The following PRSS38 variants were observed in gnomAD, a reference collection of about 807,000 sequenced individuals.
The protein encoded by PRSS38 is marapsin 2.
In PRSS38, 22 loss-of-function variants were observed where a neutral mutation model predicts 26.8. That is an observed-to-expected ratio of 0.82 (90% confidence interval 0.59 to 1.17). The LOEUF (loss-of-function observed/expected upper bound fraction) is 1.17. Among genes scored for constraint, PRSS38 ranks in the 50% most tolerant of loss-of-function variants. The probability of loss-of-function intolerance (pLI) is 0.00; values close to 1 mark genes in which losing one functional copy is unlikely to be tolerated. For missense variants in PRSS38, 427 were observed against 422.7 expected, an observed-to-expected ratio of 1.01 and a Z score of -0.09; for synonymous variants, 175 against 172.1, an observed-to-expected ratio of 1.02 and a Z score of -0.13.
intron 3 of PRSS38, among the ~76,000 whole-genome samples, chr1:227,835,454 C>T (rs1036364430): frequency 6.6e-6 from 1 of 152,154 alleles, no homozygotes; most frequent in African/African-American, 2.4e-5. Context: ...CCACACATAA[C>T]AACTCCACTC....
intron 3 of PRSS38, among the ~76,000 whole-genome samples, chr1:227,839,778 G>C (rs1436911312): frequency 1.3e-5 from 2 of 152,080 alleles, no homozygotes; most frequent in African/African-American, 2.4e-5. Context: ...TTAGACTGTT[G>C]AGGGACAGCA....
intron 3 of PRSS38, among the ~76,000 whole-genome samples, chr1:227,842,209 GAATAGTGCCTGCAGGTCT>G: frequency 6.6e-6 from 1 of 152,280 alleles, no homozygotes; most frequent in Non-Finnish European, 1.5e-5. Flanking sequence ...CAGGGCAGGC[GAATAGTGCCTGCAGGTCT>G]ATCTGTGATC....
chr1:227,834,542 A>C (rs150331783), intron 3 of PRSS38, among the ~76,000 whole-genome samples: 2 of 152,084 alleles, frequency 1.3e-5, no homozygotes, highest in Admixed American at 1.3e-4. Context: ...GGTGGTGTGC[A>C]CCTGTAATCC....
intron 3 of PRSS38, among the ~76,000 whole-genome samples, chr1:227,840,908 C>T (rs1665327594): frequency 6.6e-6 from 1 of 152,218 alleles, no homozygotes; most frequent in African/African-American, 2.4e-5. Flanking sequence ...TCCCGACCTC[C>T]TATATCAGTT....
Position 227,816,312 on chromosome 1 carries a change from C to G in PRSS38, c.311+60C>G. 1 of 1,534,334 alleles carries G rather than the reference C, an allele frequency of 6.5e-7. No homozygotes were observed. Among genetic ancestry groups the G allele is most frequent in the African/African-American group, 1.4e-5 (1 of 73,288 alleles). ...CTGGGCCTGCACGGAGTGCCCACAG[C>G]GGCTTGGATGGACCCCACGCAAGCC... On this transcript the variant is annotated intron_variant, in intron 2 of 4. Coordinates refer to ENST00000366757, the Ensembl canonical transcript of PRSS38. The surrounding 1 kb of genome is among the most constrained non-coding windows in gnomAD (Gnocchi z 5.1).
intron 3 of PRSS38, among the ~76,000 whole-genome samples, chr1:227,839,868 A>G (rs1665292590): frequency 6.6e-6 from 1 of 152,218 alleles, no homozygotes; most frequent in South Asian, 2.1e-4. Context: ...AGGACTTAGC[A>G]CAGGTGCCAA....
intron 3 of PRSS38, among the ~76,000 whole-genome samples, chr1:227,835,036 A>C (rs755077192): frequency 4.6e-5 from 7 of 152,204 alleles, no homozygotes. Flanking sequence ...TTGAACTGAC[A>C]TTTCTCCAAA....
chr1:227,816,196 C>A lies in PRSS38; in HGVS notation c.255C>A (p.Cys85Ter). Residue 85 changes from cysteine to a stop codon, truncating the protein, a stop_gained, in exon 2 of 5, where the codon TGC (cysteine) becomes TGA (stop). Coordinates refer to ENST00000366757, the Ensembl canonical transcript of PRSS38. LOFTEE classifies it high-confidence loss of function. This position sits in a 1 kb window ranked among gnomAD's most constrained non-coding sequence, Gnocchi z 5.1. Reference sequence around the variant, plus strand: ...TGCACTACGCAGGCCTCCACGTCTGCGGCGGCTCCATCCTCAATGAGTACT... The same window carrying A: ...TGCACTACGCAGGCCTCCACGTCTGAGGCGGCTCCATCCTCAATGAGTACT... The A allele has an allele frequency of 6.2e-7, 1 of 1,613,660 alleles. No homozygotes were observed. The highest frequency in any genetic ancestry group is 1.1e-5 in the South Asian group (1 of 91,082).
In PRSS38 at chr1:227,839,184, G is replaced by C. The variant is rs187917181; in HGVS notation, c.584-6286G>C. Among the ~76,000 whole-genome samples the C allele has an allele frequency of 3.9e-3, 601 of 152,342 alleles. 7 individuals are homozygous for C. The highest frequency in any genetic ancestry group is 0.014 in the African/African-American group (577 of 41,580). On this transcript the variant is annotated intron_variant, in intron 3 of 4. Coordinates refer to ENST00000366757, the Ensembl canonical transcript of PRSS38. Reference sequence around the variant, plus strand: ...GTTTAAATGTATGCAACTGAGCCAGGTGCAGTGGTTCAAGCCTGTAATCCC... The same window carrying C: ...GTTTAAATGTATGCAACTGAGCCAGCTGCAGTGGTTCAAGCCTGTAATCCC...
intron 3 of PRSS38, among the ~76,000 whole-genome samples, chr1:227,840,437 T>TGG (rs113973434): frequency 4.1e-4 from 63 of 152,176 alleles, no homozygotes; most frequent in African/African-American, 1.4e-3. Flanking sequence ...TTTAAATGGT[T>TGG]GGGGCGGAAA....
intron 3 of PRSS38, among the ~76,000 whole-genome samples, chr1:227,844,125 A>G (rs946856365): frequency 1.3e-5 from 2 of 152,196 alleles, no homozygotes; most frequent in African/African-American, 4.8e-5. Context: ...TTTAACTTTT[A>G]TAATCGTTTC....
At chr1:227,846,210 G>T in exon 5 of PRSS38, 1 of 1,607,436 alleles carries the variant, frequency 6.2e-7, no homozygotes, top group Non-Finnish European at 8.5e-7. Flanking sequence ...GTGCTGTGAG[G>T]TCAGGATACC....
chr1:227,827,594 TCTAG>T (rs1665093868), intron 3 of PRSS38, among the ~76,000 whole-genome samples: 1 of 152,016 alleles, frequency 6.6e-6, no homozygotes, highest in South Asian at 2.1e-4. Context: ...TCTTTATTAG[TCTAG>T]CTAGTGATCT....
At position 227,816,190 on chromosome 1, in the gene PRSS38, C is replaced by A. The variant is rs148564281; in HGVS notation, c.249C>A (p.His83Gln). 2 of 1,613,682 alleles carry A rather than the reference C, an allele frequency of 1.2e-6. No homozygotes were observed. Among genetic ancestry groups the A allele is most frequent in the Non-Finnish European group, 1.7e-6 (2 of 1,179,880 alleles). ...TCAGCGTGCACTACGCAGGCCTCCACGTCTGCGGCGGCTCCATCCTCAATG... is the reference window on the plus strand; with the variant it reads ...TCAGCGTGCACTACGCAGGCCTCCAAGTCTGCGGCGGCTCCATCCTCAATG... The change falls in exon 2 of 5, where the codon CAC becomes CAA. Residue 83 changes from histidine (H) to glutamine (Q), a missense_variant. Transcript: ENST00000366757. The surrounding 1 kb of genome is among the most constrained non-coding windows in gnomAD (Gnocchi z 5.1).
chr1:227,830,234 T>A (rs1317010622), intron 3 of PRSS38, among the ~76,000 whole-genome samples: 2 of 152,158 alleles, frequency 1.3e-5, no homozygotes, highest in African/African-American at 2.4e-5. Flanking sequence ...TGAGACATAT[T>A]GGCTGAATTT....
intron 3 of PRSS38, among the ~76,000 whole-genome samples, chr1:227,824,856 A>G (rs1237948709): frequency 6.6e-6 from 1 of 151,992 alleles, no homozygotes; most frequent in African/African-American, 2.4e-5. Flanking sequence ...TGTTGGCTGT[A>G]TGTATGTCTT....
chr1:227,822,695 A>G (rs1665019318), intron 3 of PRSS38, among the ~76,000 whole-genome samples: 1 of 152,214 alleles, frequency 6.6e-6, no homozygotes. Context: ...GGAGCTAAAA[A>G]CCAACAAAAC....
At chr1:227,820,769 T>G (rs1013086879) in intron 3 of PRSS38, among the ~76,000 whole-genome samples, 2 of 152,204 alleles carry the variant, frequency 1.3e-5, no homozygotes, top group African/African-American at 4.8e-5. Flanking sequence ...CTCTTCTATT[T>G]TTTTGGTGGA....
intron 3 of PRSS38, among the ~76,000 whole-genome samples, chr1:227,839,194 T>C (rs1418203001): frequency 6.6e-6 from 1 of 152,190 alleles, no homozygotes; most frequent in Non-Finnish European, 1.5e-5. Flanking sequence ...GTGCAGTGGT[T>C]CAAGCCTGTA....
Sources: allele counts gnomAD v4.1 joint callset (sites outside exome capture counted in the v4.1 genomes callset), GRCh38; gene constraint gnomAD v4.1.1; non-coding constraint Gnocchi (gnomAD v3.1); transcripts MANE v1.5; gene names NCBI Gene and HGNC (gene_info 2026-07-23, HGNC 2026-07-21).